Variants in RBPJ observed in about 807,000 individuals in gnomAD.
RBPJ encodes recombining binding protein suppressor of hairless.
Under a neutral mutation model 67.8 loss-of-function variants are expected in RBPJ, and 9 were observed. The ratio of observed to expected loss-of-function variants is 0.13; its 90% CI spans 0.08 to 0.23. The LOEUF is 0.23. Among genes scored for constraint, RBPJ ranks in the 10% least tolerant of loss-of-function variants. RBPJ has a pLI of 1.00. For missense variants in RBPJ, 305 were observed against 595.6 expected (o/e 0.51, Z 5.08); for synonymous variants, 198 against 203.3 (o/e 0.97, Z 0.22).
At chr4:26,425,672 A>G (rs1205833448) in intron 7 of RBPJ, among the ~76,000 whole-genome samples, 1 of 152,148 alleles carries the variant, frequency 6.6e-6, no homozygotes, top group Non-Finnish European at 1.5e-5. Context: ...AATGAAAACA[A>G]AAGTCCTCTA....
At chr4:26,390,754 A>T (rs918146923) in intron 2 of RBPJ, among the ~76,000 whole-genome samples, 24 of 152,320 alleles carry the variant, frequency 1.6e-4, no homozygotes, top group Admixed American at 1.4e-3. Flanking sequence ...CAGGTAGAAG[A>T]CCTAATATTG....
intron 1 of RBPJ, among the ~76,000 whole-genome samples, chr4:26,376,854 G>T (rs1324599912): frequency 6.6e-6 from 1 of 152,142 alleles, no homozygotes; most frequent in Non-Finnish European, 1.5e-5. Flanking sequence ...GTATGAAGTG[G>T]TATCTCATGG....
chr4:26,257,341 G>A (rs546179690), intron 1 of RBPJ, among the ~76,000 whole-genome samples: 1 of 152,288 alleles, frequency 6.6e-6, no homozygotes, highest in East Asian at 1.9e-4. Context: ...TCATAAACAG[G>A]TGGAGTCGCC....
At chr4:26,133,124 A>G in the RBPJ span, among the ~76,000 whole-genome samples, 1 of 152,252 alleles carries the variant, frequency 6.6e-6, no homozygotes. Context: ...TCTCTGGCCA[A>G]ACCATTTCCT....
At chr4:26,304,062 AAT>A (rs989491289) in intron 1 of RBPJ, among the ~76,000 whole-genome samples, 2 of 152,148 alleles carry the variant, frequency 1.3e-5, no homozygotes, top group Admixed American at 1.3e-4. Context: ...GACAGCCATT[AAT>A]CTGCTGTCTC....
At chr4:26,403,350 C>T (rs893679417) in intron 2 of RBPJ, among the ~76,000 whole-genome samples, 3 of 151,878 alleles carry the variant, frequency 2.0e-5, no homozygotes, top group Admixed American at 2.0e-4. Flanking sequence ...ACAATACTTC[C>T]CCTAAAAGTG....
chr4:26,218,773 G>A (rs965527347), intron 1 of RBPJ, among the ~76,000 whole-genome samples: 10 of 152,254 alleles, frequency 6.6e-5, no homozygotes, highest in African/African-American at 1.9e-4. Flanking sequence ...AAAATAAGCC[G>A]TGGCTGGGTG....
chr4:26,266,816 G>A (rs1339506918), intron 1 of RBPJ, among the ~76,000 whole-genome samples: 1 of 152,100 alleles, frequency 6.6e-6, no homozygotes, highest in Non-Finnish European at 1.5e-5. Flanking sequence ...TATTACTGGT[G>A]GCATCTGCTA....
At chr4:26,173,791 G>A (rs1282240587) in intron 1 of RBPJ, among the ~76,000 whole-genome samples, 2 of 152,204 alleles carry the variant, frequency 1.3e-5, no homozygotes, top group African/African-American at 4.8e-5. Flanking sequence ...CCACGGGCTG[G>A]GCACTGGACT....
chr4:26,285,031 A>AT (rs1721416137), intron 1 of RBPJ, among the ~76,000 whole-genome samples: 1 of 151,500 alleles, frequency 6.6e-6, no homozygotes, highest in Admixed American at 6.6e-5. Context: ...TAATTTTTGT[A>AT]TTTTTAGTAG....
At chr4:26,420,525 G>A (rs1735024646) in intron 4 of RBPJ, 26 bp from the exon 5 acceptor site, 2 of 1,547,694 alleles carry the variant, frequency 1.3e-6, no homozygotes, top group African/African-American at 2.8e-5. Context: ...TTTTGCTGCT[G>A]TTAAAACTTT....
At chr4:26,173,567 T>C (rs908136209) in intron 1 of RBPJ, among the ~76,000 whole-genome samples, 5 of 152,182 alleles carry the variant, frequency 3.3e-5, no homozygotes, top group African/African-American at 7.2e-5. Context: ...CGTCTAACCT[T>C]ACACCCAGGA....
upstream of RBPJ, chr4:26,320,569 T>C: frequency 3.6e-6 from 2 of 561,582 alleles, no homozygotes; most frequent in Non-Finnish European, 6.1e-6. Flanking sequence ...AAACACCCAT[T>C]GAGGAGGTGT....
intron 1 of RBPJ, among the ~76,000 whole-genome samples, chr4:26,237,255 C>G (rs941823483): frequency 3.3e-5 from 5 of 152,082 alleles, no homozygotes; most frequent in African/African-American, 1.2e-4. Flanking sequence ...GTATTCTTAT[C>G]TGTGTGTGCT....
chr4:26,373,394 T>C (rs902965528), intron 1 of RBPJ, among the ~76,000 whole-genome samples: 3 of 152,216 alleles, frequency 2.0e-5, no homozygotes, highest in African/African-American at 7.2e-5. Context: ...GTCTTTCCTT[T>C]GTGCATTAGG....
chr4:26,349,483 A>G (rs1196744760), intron 1 of RBPJ, among the ~76,000 whole-genome samples: 1 of 152,204 alleles, frequency 6.6e-6, no homozygotes, highest in Non-Finnish European at 1.5e-5. Flanking sequence ...CATTCAAAGG[A>G]CTGGGTCCAA....
At chr4:26,290,140 G>A (rs1361859194) in intron 1 of RBPJ, among the ~76,000 whole-genome samples, 1 of 149,438 alleles carries the variant, frequency 6.7e-6, no homozygotes, top group Non-Finnish European at 1.5e-5. Context: ...AACCAGCCTA[G>A]GCAAAACAGC....
chr4:26,133,011 C>T, the RBPJ span, among the ~76,000 whole-genome samples: 2 of 152,316 alleles, frequency 1.3e-5, no homozygotes, highest in East Asian at 1.9e-4. Context: ...AGCCTTCCTA[C>T]GTCTTTCCCA....
intron 7 of RBPJ, among the ~76,000 whole-genome samples, chr4:26,426,033 A>G (rs1735631821): frequency 6.6e-6 from 1 of 152,144 alleles, no homozygotes; most frequent in African/African-American, 2.4e-5. Context: ...GCTAGAAGAC[A>G]TGAAGTATAG....
Sources: allele counts gnomAD v4.1 joint callset (sites outside exome capture counted in the v4.1 genomes callset), GRCh38; gene constraint gnomAD v4.1.1; transcripts MANE v1.5; gene names NCBI Gene and HGNC (gene_info 2026-07-23, HGNC 2026-07-21).